Variants in CSMD1 observed in about 807,000 individuals in gnomAD.
The protein encoded by CSMD1 is CUB and sushi domain-containing protein 1.
CSMD1 carries 213 observed loss-of-function variants against 417.5 expected under a neutral mutation model. That is an observed-to-expected ratio of 0.51 (90% CI 0.46 to 0.57). The LOEUF (loss-of-function observed/expected upper bound fraction) is 0.57. CSMD1 is among the 20% of genes least tolerant of loss of function. The pLI is 0.00. For missense variants in CSMD1, 6,923 were observed against 4,529.7 expected (o/e 1.53, Z -15.17); for synonymous variants, 2,862 against 1,736.8 (o/e 1.65, Z -16.11).
intron 69 of CSMD1, among the ~76,000 whole-genome samples, chr8:2,941,236 C>A (rs1801853007): frequency 6.6e-6 from 1 of 152,122 alleles, no homozygotes; most frequent in Non-Finnish European, 1.5e-5. Context: ...CAGGCACAAG[C>A]AGCTAATACA....
intron 1 of CSMD1, among the ~76,000 whole-genome samples, chr8:4,860,229 G>A (rs1158487481): frequency 2.2e-5 from 3 of 134,558 alleles, no homozygotes; most frequent in Non-Finnish European, 3.1e-5. Flanking sequence ...CATGGACACA[G>A]GAAGGGGAAT....
chr8:2,965,958 A>C lies in CSMD1; in HGVS notation c.9101-4T>G. 6.3e-7 allele frequency: 1 copy of C among 1,597,132 alleles called. No homozygotes were observed. Among genetic ancestry groups the C allele is most frequent in the South Asian group, 1.1e-5 (1 of 88,042 alleles). The stretch of plus-strand genomic sequence containing the variant: ...CCTGGATCCCCACAACTTATAACTA[A>C]TAAACAGGGAACAGGAAAGAATCAG... On this transcript the variant is annotated splice_polypyrimidine_tract_variant and splice_region_variant and intron_variant, in intron 58 of 69. Transcript: ENST00000635120.
At chr8:3,186,092 T>C (rs942280499) in intron 36 of CSMD1, among the ~76,000 whole-genome samples, 1 of 152,114 alleles carries the variant, frequency 6.6e-6, no homozygotes, top group African/African-American at 2.4e-5. Context: ...CACCTACCTG[T>C]AATGCTGTCT....
At position 4,729,379 on chromosome 8, in the gene CSMD1, T is replaced by C. The variant is rs183241796; in HGVS notation, c.86-91821A>G. Reference sequence around the variant, plus strand: ...GATTGCAGTAGGTTCAAGAGAGAATTGGAAGAAATGAAAAAAGGGGAAAAA... The same window carrying C: ...GATTGCAGTAGGTTCAAGAGAGAATCGGAAGAAATGAAAAAAGGGGAAAAA... On this transcript the variant is annotated intron_variant, in intron 1 of 69. Transcript: ENST00000635120. 7.9e-3 allele frequency among the ~76,000 whole-genome samples: 1,199 copies of C among 152,250 alleles called. 19 individuals are homozygous for C. The highest frequency in any genetic ancestry group is 0.027 in the African/African-American group (1,131 of 41,542).
chr8:3,913,927 A>C (rs962599218), intron 5 of CSMD1, among the ~76,000 whole-genome samples: 1 of 152,152 alleles, frequency 6.6e-6, no homozygotes, highest in Non-Finnish European at 1.5e-5. Flanking sequence ...TTTTGGACTC[A>C]AATAAATTAA....
chr8:3,818,240 T>C (rs1242345962), intron 5 of CSMD1, among the ~76,000 whole-genome samples: 3 of 152,016 alleles, frequency 2.0e-5, no homozygotes, highest in Non-Finnish European at 2.9e-5. Flanking sequence ...ATGCAGCCCC[T>C]GGGTCCGTGC....
At position 3,665,751 on chromosome 8, in the gene CSMD1, G is replaced by C. The variant is rs558208145; in HGVS notation, c.1009+42663C>G. Reference sequence around the variant, plus strand: ...AATTAAAGTCATTAAAATATAGGAAGGTGTTTATCCAAGGCAGTAGCTTGA... The same window carrying C: ...AATTAAAGTCATTAAAATATAGGAACGTGTTTATCCAAGGCAGTAGCTTGA... On this transcript the variant is annotated intron_variant, in intron 7 of 69. Coordinates refer to ENST00000635120, the MANE Select transcript of CSMD1 (RefSeq NM_033225.6). 8.5e-5 allele frequency among the ~76,000 whole-genome samples: 13 copies of C among 152,120 alleles called. No homozygotes were observed. In the South Asian group the frequency reaches 2.1e-3, roughly 24 times the overall value.
chr8:3,149,128 A>C lies in CSMD1; in HGVS notation c.6031+2269T>G, dbSNP rs535958864. ...AGTTTGTTTAGGTTTATAGATCCCA[A>C]ATATGAATTTAGACAATTTGGTTTC... On this transcript the variant is annotated intron_variant, in intron 40 of 69. Coordinates refer to ENST00000635120, the MANE Select transcript of CSMD1 (RefSeq NM_033225.6). Among the ~76,000 whole-genome samples, 11 of 152,310 alleles carry C rather than the reference A, an allele frequency of 7.2e-5. No individual in the cohort carries two copies. The South Asian group carries it at 2.3e-3, about 32-fold the overall frequency.
chr8:4,642,933 G>A (rs572375083), intron 1 of CSMD1, among the ~76,000 whole-genome samples: 1 of 152,196 alleles, frequency 6.6e-6, no homozygotes, highest in Admixed American at 6.5e-5. Flanking sequence ...ATACTCTGTA[G>A]CAAATTCTAC....
intron 10 of CSMD1, among the ~76,000 whole-genome samples, chr8:3,503,224 A>G (rs534732632): frequency 2.0e-5 from 3 of 152,348 alleles, no homozygotes; most frequent in South Asian, 2.1e-4. Flanking sequence ...TTAGAAAAAT[A>G]TGTCATTAAT....
At position 4,833,708 on chromosome 8, in the gene CSMD1, A is replaced by G. The variant is rs1800287994; in HGVS notation, c.85+160624T>C. ...AGCTGGATCAATATCTAGTGGAAGGAGGGTGACTCTTCAAACCTATTTAAA... is the reference window on the plus strand; with the variant it reads ...AGCTGGATCAATATCTAGTGGAAGGGGGGTGACTCTTCAAACCTATTTAAA... On this transcript the variant is annotated intron_variant, in intron 1 of 69. Transcript: ENST00000635120. 2.0e-5 allele frequency among the ~76,000 whole-genome samples: 3 copies of G among 152,298 alleles called. No individual in the cohort carries two copies. In the South Asian group the frequency reaches 6.2e-4, roughly 32 times the overall value.
At chr8:3,794,494 T>C (rs1200596059) in intron 5 of CSMD1, among the ~76,000 whole-genome samples, 1 of 152,206 alleles carries the variant, frequency 6.6e-6, no homozygotes, top group Non-Finnish European at 1.5e-5. Context: ...ATAGCTACTC[T>C]CTGCATTACA....
intron 3 of CSMD1, among the ~76,000 whole-genome samples, chr8:4,164,657 C>T (rs1282903013): frequency 2.6e-5 from 4 of 151,956 alleles, no homozygotes; most frequent in African/African-American, 7.3e-5. Flanking sequence ...ACACAAGACA[C>T]GATTGAATTT....
chr8:3,610,658 C>T (rs2469329), intron 8 of CSMD1, among the ~76,000 whole-genome samples: 1 of 151,962 alleles, frequency 6.6e-6, no homozygotes, highest in Admixed American at 6.6e-5. Flanking sequence ...CTCAATTTTT[C>T]TTGTAACATA....
intron 5 of CSMD1, among the ~76,000 whole-genome samples, chr8:3,807,692 T>A (rs879808624): frequency 2.6e-5 from 4 of 152,164 alleles, no homozygotes; most frequent in Non-Finnish European, 4.4e-5. Context: ...AGTTTTGGCT[T>A]TTCTTCCTTG....
chr8:4,902,077 T>C (rs891313262), intron 1 of CSMD1, among the ~76,000 whole-genome samples: 3 of 152,126 alleles, frequency 2.0e-5, no homozygotes, highest in Admixed American at 6.5e-5. Flanking sequence ...AATATATATG[T>C]GTATATTTGT....
rs909097800 is a variant in CSMD1, at chr8:4,955,809, C to T, written c.85+38523G>A. Among the ~76,000 whole-genome samples, 10 of 99,148 alleles carry T rather than the reference C, an allele frequency of 1.0e-4. No homozygotes were observed. In the South Asian group the frequency reaches 1.1e-3, roughly 11 times the overall value. 65.0% of individuals were successfully genotyped at this position (99,148 alleles called of 152,430 possible). A position where few individuals can be genotyped will look rare whatever the true frequency, so the allele number is the denominator to read the frequency against. On this transcript the variant is annotated intron_variant, in intron 1 of 69. Coordinates refer to ENST00000635120, the MANE Select transcript of CSMD1 (RefSeq NM_033225.6). ...TGGCGTAACAGTACCTTCAAATTGG[C>T]CAACATGGGAATATTTAGGTCGTAG...
At chr8:3,972,389 C>G (rs950805970) in intron 5 of CSMD1, among the ~76,000 whole-genome samples, 2 of 152,136 alleles carry the variant, frequency 1.3e-5, no homozygotes, top group African/African-American at 2.4e-5. Context: ...TTTATACAAA[C>G]ACAAGTATAT....
intron 51 of CSMD1, among the ~76,000 whole-genome samples, chr8:3,027,705 G>A (rs978025157): frequency 1.3e-5 from 2 of 152,124 alleles, no homozygotes; most frequent in African/African-American, 2.4e-5. Flanking sequence ...AATGATGTGT[G>A]GGGGTTGTGA....
Sources: gnomAD v4.1 joint callset for allele counts (sites outside exome capture counted in the v4.1 genomes callset) on GRCh38, gnomAD v4.1.1 for gene constraint, MANE v1.5 for transcripts, NCBI Gene and HGNC (gene_info 2026-07-23, HGNC 2026-07-21) for gene names.